Variants in TSPAN5 observed in about 807,000 individuals in gnomAD.
The protein encoded by TSPAN5 is tetraspanin-5.
A neutral mutation model predicts 37.1 loss-of-function variants in TSPAN5; 10 were observed. The observed-to-expected ratio is 0.27, with a 90% CI of 0.17 to 0.46. The LOEUF is 0.46. TSPAN5 is among the 20% of genes least tolerant of loss of function. The pLI is 1.00. For missense variants in TSPAN5, 195 were observed against 326.6 expected (o/e 0.60, Z 3.11); for synonymous variants, 110 against 118.9 (o/e 0.93, Z 0.48).
chr4:98,507,776 T>G (rs754223424), intron 1 of TSPAN5, 48 bp from the exon 2 acceptor site: 2 of 1,387,130 alleles, frequency 1.4e-6, no homozygotes, highest in Non-Finnish European at 2.0e-6. Context: ...ATGCCGCTAA[T>G]ATAAAGAAGA....
chr4:98,573,367 T>C (rs1261719338), intron 1 of TSPAN5, among the ~76,000 whole-genome samples: 1 of 152,240 alleles, frequency 6.6e-6, no homozygotes, highest in Non-Finnish European at 1.5e-5. Flanking sequence ...CTATTGTCCA[T>C]TGCATTTAAA....
At chr4:98,598,196 T>G (rs1312720736) in intron 1 of TSPAN5, among the ~76,000 whole-genome samples, 1 of 140,022 alleles carries the variant, frequency 7.1e-6, no homozygotes, top group Non-Finnish European at 1.5e-5. Flanking sequence ...AGTGACCCGA[T>G]TTTCCAGGTG....
chr4:98,515,840 T>C (rs1260029626), intron 1 of TSPAN5, among the ~76,000 whole-genome samples: 4 of 152,230 alleles, frequency 2.6e-5, no homozygotes, highest in Non-Finnish European at 5.9e-5. Flanking sequence ...GTACTTAATT[T>C]CACATCTTTT....
At chr4:98,623,967 G>A (rs149585339) in intron 1 of TSPAN5, among the ~76,000 whole-genome samples, 250 of 152,186 alleles carry the variant, frequency 1.6e-3, no homozygotes, top group Non-Finnish European at 3.0e-3. Context: ...TATGTCAGGT[G>A]GAAATATGAT....
At chr4:98,576,184 A>C (rs567180398) in intron 1 of TSPAN5, among the ~76,000 whole-genome samples, 6 of 152,216 alleles carry the variant, frequency 3.9e-5, no homozygotes, top group Admixed American at 3.9e-4. Context: ...TAAAAAAAAA[A>C]TCAAACAGTA....
intron 1 of TSPAN5, among the ~76,000 whole-genome samples, chr4:98,568,837 G>A (rs139522811): frequency 2.5e-4 from 38 of 152,332 alleles, no homozygotes; most frequent in African/African-American, 8.4e-4. Flanking sequence ...GGGTAAGAAT[G>A]TCAATCAGAA....
intron 1 of TSPAN5, among the ~76,000 whole-genome samples, chr4:98,537,964 CAA>C (rs1754275236): frequency 6.6e-6 from 1 of 152,256 alleles, no homozygotes; most frequent in Non-Finnish European, 1.5e-5. Context: ...GACAGCAGGA[CAA>C]AGAGGGTGAT....
At chr4:98,556,736 C>T (rs1754759674) in intron 1 of TSPAN5, among the ~76,000 whole-genome samples, 1 of 152,118 alleles carries the variant, frequency 6.6e-6, no homozygotes, top group Admixed American at 6.6e-5. Context: ...TTTCTATTAG[C>T]CCATTTTATT....
intron 1 of TSPAN5, among the ~76,000 whole-genome samples, chr4:98,511,145 C>A (rs1753596701): frequency 6.6e-6 from 1 of 152,194 alleles, no homozygotes; most frequent in Admixed American, 6.5e-5. Context: ...TTATCTGAGG[C>A]ATCTTCCCAC....
intron 2 of TSPAN5, chr4:98,500,178 G>A (rs1159800426): frequency 1.3e-5 from 2 of 152,062 alleles, no homozygotes; most frequent in South Asian, 2.1e-4. Context: ...CCTCCCTCAG[G>A]CAACAGAAAC....
intron 1 of TSPAN5, among the ~76,000 whole-genome samples, chr4:98,638,125 C>T (rs1056231841): frequency 6.6e-6 from 1 of 152,166 alleles, no homozygotes; most frequent in African/African-American, 2.4e-5. Flanking sequence ...AATTCGTGCC[C>T]AGTGGGGCTG....
intron 1 of TSPAN5, among the ~76,000 whole-genome samples, chr4:98,550,328 A>AT (rs1412765856): frequency 6.6e-6 from 1 of 151,638 alleles, no homozygotes; most frequent in Non-Finnish European, 1.5e-5. Context: ...ACGCCTCTAG[A>AT]TTTTTTCTTT....
chr4:98,478,636 C>G (rs377359979), intron 5 of TSPAN5, 49 bp downstream of exon 5: 1 of 1,612,018 alleles, frequency 6.2e-7, no homozygotes, highest in Non-Finnish European at 8.5e-7. Context: ...CATGCACACT[C>G]TCGGCATGAT....
At chr4:98,524,484 T>C (rs1048772506) in intron 1 of TSPAN5, among the ~76,000 whole-genome samples, 2 of 152,180 alleles carry the variant, frequency 1.3e-5, no homozygotes, top group Non-Finnish European at 2.9e-5. Flanking sequence ...TCCATGTCAA[T>C]CCTATCAGAC....
rs1276868189 is a variant in TSPAN5, at chr4:98,482,114, A to G, written c.341T>C (p.Val114Ala). The G allele has an allele frequency of 1.9e-6, 3 of 1,614,176 alleles. No individual in the cohort carries two copies. The highest frequency in any genetic ancestry group is 2.5e-6 in the Non-Finnish European group (3 of 1,180,022). The change falls in exon 4 of 8, where the codon GTT (valine) becomes GCT (alanine). Residue 114 changes from valine (V) to alanine (A), a missense_variant. Val to Ala is a moderately conservative substitution (Grantham distance 64, BLOSUM62 0). Transcript: ENST00000305798. ...CTGGTCTTTGATCCAGTCTTTGAAA[A>G]CAAATGCTAGAACTCCGGCAGTGAG... Reference protein sequence around the residue: ...LELTAGVLAFVFKDWIKDQLY... With the variant: ...LELTAGVLAFAFKDWIKDQLY...
chr4:98,625,775 T>A (rs183080208), intron 1 of TSPAN5, among the ~76,000 whole-genome samples: 68 of 152,304 alleles, frequency 4.5e-4, no homozygotes, highest in African/African-American at 1.6e-3. Context: ...GAAAACCACG[T>A]TTAAAAGCAA....
intron 1 of TSPAN5, among the ~76,000 whole-genome samples, chr4:98,654,113 A>C (rs1220270773): frequency 6.6e-6 from 1 of 152,208 alleles, no homozygotes; most frequent in African/African-American, 2.4e-5. Flanking sequence ...ATATGAGTAT[A>C]CCATCTCAGG....
chr4:98,610,684 T>C (rs2110233845), intron 1 of TSPAN5, among the ~76,000 whole-genome samples: 1 of 152,308 alleles, frequency 6.6e-6, no homozygotes, highest in Non-Finnish European at 1.5e-5. Context: ...AGCTGCCTAT[T>C]CATTTAGGGC....
At chr4:98,609,052 G>A (rs1756111019) in intron 1 of TSPAN5, among the ~76,000 whole-genome samples, 1 of 152,096 alleles carries the variant, frequency 6.6e-6, no homozygotes, top group Admixed American at 6.5e-5. Context: ...AGGGTTTCAG[G>A]TAGCAAGTCA....
Sources: allele counts gnomAD v4.1 joint callset (sites outside exome capture counted in the v4.1 genomes callset), GRCh38; gene constraint gnomAD v4.1.1; transcripts MANE v1.5; gene names NCBI Gene and HGNC (gene_info 2026-07-23, HGNC 2026-07-21).